The following MEGF6 variants were observed in gnomAD, a reference collection of about 807,000 sequenced individuals.
MEGF6 encodes multiple epidermal growth factor-like domains protein 6.
MEGF6 carries 184 observed loss-of-function variants against 207.1 expected under a neutral mutation model. The observed-to-expected ratio is 0.89, with a 90% CI of 0.79 to 1.00. The LOEUF is 1.00. MEGF6 is among the 50% of genes least tolerant of loss of function. The probability of loss-of-function intolerance (pLI) is 0.00; values close to 1 mark genes in which losing one functional copy is unlikely to be tolerated. For missense variants in MEGF6, 2,282 were observed against 2,202.9 expected (o/e 1.04, Z -0.72); for synonymous variants, 1,038 against 910.0 (o/e 1.14, Z -2.53).
chr1:3,524,566 A>G (rs1023859593), intron 4 of MEGF6, among the ~76,000 whole-genome samples: 2 of 152,212 alleles, frequency 1.3e-5, no homozygotes, highest in African/African-American at 4.8e-5. Context: ...GGTTTTCTTA[A>G]GTCCAAATCT....
At chr1:3,551,341 G>A (rs1642877879) in intron 4 of MEGF6, among the ~76,000 whole-genome samples, 1 of 152,198 alleles carries the variant, frequency 6.6e-6, no homozygotes, top group Non-Finnish European at 1.5e-5. Flanking sequence ...GGGGACGACA[G>A]GACCTAAGGG....
At chr1:3,617,989 G>C in the MEGF6 span, among the ~76,000 whole-genome samples, 1 of 152,174 alleles carries the variant, frequency 6.6e-6, no homozygotes, top group Non-Finnish European at 1.5e-5. Flanking sequence ...CCCCGGCCCA[G>C]AGAGGAGCGG....
intron 4 of MEGF6, 31 bp downstream of exon 4, chr1:3,579,794 A>T (rs935800987): frequency 1.4e-6 from 2 of 1,415,878 alleles, no homozygotes; most frequent in Non-Finnish European, 1.9e-6. Flanking sequence ...GGCCATGGCC[A>T]GGGCCTTGGT....
chr1:3,502,036 C>A, intron 17 of MEGF6, 115 bp from the exon 18 acceptor site: 1 of 1,452,118 alleles, frequency 6.9e-7, no homozygotes, highest in Non-Finnish European at 9.3e-7. Flanking sequence ...GGGCTCCTGG[C>A]GAGTGTGCCC....
chr1:3,519,005 C>T (rs1289333785), intron 5 of MEGF6, among the ~76,000 whole-genome samples: 5 of 152,230 alleles, frequency 3.3e-5, no homozygotes, highest in African/African-American at 1.2e-4. Flanking sequence ...GGTCTGAGCC[C>T]ATGATGTCAC....
chr1:3,521,219 G>A (rs1221587453), intron 5 of MEGF6, among the ~76,000 whole-genome samples: 2 of 152,156 alleles, frequency 1.3e-5, no homozygotes, highest in Non-Finnish European at 2.9e-5. Flanking sequence ...GGGTGGGAGA[G>A]GCCACTCCTG....
At chr1:3,544,552 G>C (rs975675949) in intron 4 of MEGF6, among the ~76,000 whole-genome samples, 1 of 152,190 alleles carries the variant, frequency 6.6e-6, no homozygotes, top group Admixed American at 6.5e-5. Flanking sequence ...AGGGGCTGCT[G>C]GAACAGGCCC....
intron 23 of MEGF6, 110 bp downstream of exon 23, chr1:3,499,478 G>A (rs1640757169): frequency 8.1e-6 from 12 of 1,479,482 alleles, no homozygotes; most frequent in Non-Finnish European, 1.1e-5. Context: ...CTCTCAGGGG[G>A]GTTGCCTGGT....
At chr1:3,523,077 G>GA (rs1553195911) in intron 5 of MEGF6, among the ~76,000 whole-genome samples, 5 of 146,802 alleles carry the variant, frequency 3.4e-5, no homozygotes, top group East Asian at 1.9e-4. Context: ...TGTGTGCCGG[G>GA]GGGGGGGCCC....
chr1:3,509,989 A>G lies in MEGF6; in HGVS notation c.1238T>C (p.Val413Ala). ...LSADGCGCED[V>A]DECASSRGGC... Reference sequence around the variant, plus strand: ...GCCACGGCTGGAGGCGCACTCATCCACATCTGCGGGCGACCCGGGACCACT... The same window carrying G: ...GCCACGGCTGGAGGCGCACTCATCCGCATCTGCGGGCGACCCGGGACCACT... Residue 413 changes from valine to alanine, a missense_variant, in exon 11 of 37, where the codon GTG becomes GCG. By Grantham distance (64) the Val-to-Ala change is moderately conservative. Transcript: ENST00000356575. 1 of 1,584,394 alleles carries G rather than the reference A, an allele frequency of 6.3e-7. No individual in the cohort carries two copies. Among genetic ancestry groups the G allele is most frequent in the Non-Finnish European group, 8.5e-7 (1 of 1,172,252 alleles).
At chr1:3,500,562 T>A in intron 21 of MEGF6, 71 bp downstream of exon 21, 1 of 1,478,694 alleles carries the variant, frequency 6.8e-7, no homozygotes, top group South Asian at 1.3e-5. Context: ...GCTTTGTGTG[T>A]GTGCACGTGT....
chr1:3,605,900 A>C (rs984375156), intron 1 of MEGF6, among the ~76,000 whole-genome samples: 1 of 152,184 alleles, frequency 6.6e-6, no homozygotes, highest in African/African-American at 2.4e-5. Flanking sequence ...CCCCCACCCA[A>C]GGGATGGCCT....
intron 3 of MEGF6, among the ~76,000 whole-genome samples, chr1:3,585,641 G>A (rs1461841009): frequency 2.1e-5 from 3 of 144,644 alleles, no homozygotes; most frequent in Non-Finnish European, 4.5e-5. Flanking sequence ...GTGGGTGTGT[G>A]GACGCATGTC....
At chr1:3,590,459 G>A (rs1410251101) in intron 3 of MEGF6, among the ~76,000 whole-genome samples, 7 of 152,224 alleles carry the variant, frequency 4.6e-5, no homozygotes, top group South Asian at 4.1e-4. Context: ...TCCGCAAGGC[G>A]TTGTGGGCTC....
chr1:3,533,022 G>A (rs1354799418), intron 4 of MEGF6, among the ~76,000 whole-genome samples: 5 of 152,190 alleles, frequency 3.3e-5, no homozygotes, highest in Admixed American at 6.5e-5. Flanking sequence ...GGCCCATCCC[G>A]GCAGAGCCTC....
At chr1:3,517,235 A>T (rs926062701) in intron 5 of MEGF6, among the ~76,000 whole-genome samples, 3 of 152,222 alleles carry the variant, frequency 2.0e-5, no homozygotes, top group African/African-American at 7.2e-5. Flanking sequence ...GGCCGTCAGG[A>T]TCCAGGCGCC....
intron 9 of MEGF6, among the ~76,000 whole-genome samples, 173 bp downstream of exon 9, chr1:3,511,377 A>T (rs1641339733): frequency 6.6e-6 from 1 of 152,136 alleles, no homozygotes; most frequent in South Asian, 2.1e-4. Context: ...CCCGGCCAGG[A>T]TGCTGCCTCT....
the MEGF6 span, among the ~76,000 whole-genome samples, chr1:3,617,114 T>G: frequency 6.6e-6 from 1 of 151,610 alleles, no homozygotes. Flanking sequence ...AGGCCTGGGC[T>G]GTGCCATGCA....
At chr1:3,523,082 G>A (rs1034074404) in intron 5 of MEGF6, among the ~76,000 whole-genome samples, 1 of 152,072 alleles carries the variant, frequency 6.6e-6, no homozygotes, top group African/African-American at 2.4e-5. Flanking sequence ...GCCGGGGGGG[G>A]GGCCCCAGGG....
Sources: gnomAD v4.1 joint callset for allele counts (sites outside exome capture counted in the v4.1 genomes callset) on GRCh38, gnomAD v4.1.1 for gene constraint, MANE v1.5 for transcripts, NCBI Gene and HGNC (gene_info 2026-07-23, HGNC 2026-07-21) for gene names.